The following LMX1A variants were observed in gnomAD, a reference collection of about 807,000 sequenced individuals.
The protein encoded by LMX1A is LIM homeobox transcription factor 1-alpha.
LMX1A carries 15 observed loss-of-function variants against 49.1 expected under a neutral mutation model. The ratio of observed to expected loss-of-function variants is 0.31; its 90% CI spans 0.20 to 0.47. The LOEUF (loss-of-function observed/expected upper bound fraction) is 0.47. LMX1A is among the 20% of genes least tolerant of loss of function. The pLI is 1.00. For missense variants in LMX1A, 372 were observed against 475.8 expected (o/e 0.78, Z 2.03); for synonymous variants, 167 against 185.7 (o/e 0.90, Z 0.82).
chr1:165,322,029 A>G (rs1382569132), intron 3 of LMX1A, among the ~76,000 whole-genome samples: 1 of 152,196 alleles, frequency 6.6e-6, no homozygotes, highest in Non-Finnish European at 1.5e-5. Flanking sequence ...TTAAATAGAC[A>G]TTGTTCCAGA....
At chr1:165,251,220 T>C (rs986079611) in intron 3 of LMX1A, among the ~76,000 whole-genome samples, 6 of 151,952 alleles carry the variant, frequency 3.9e-5, no homozygotes, top group Non-Finnish European at 5.9e-5. Flanking sequence ...GTAGCTGGGA[T>C]TAAAGGTGCA....
At chr1:165,224,671 T>C (rs1557854723) in intron 4 of LMX1A, among the ~76,000 whole-genome samples, 1 of 152,196 alleles carries the variant, frequency 6.6e-6, no homozygotes, top group East Asian at 1.9e-4. Flanking sequence ...GAATAGCTTG[T>C]GTTTCAGTTA....
At chr1:165,310,926 T>G (rs911068797) in intron 3 of LMX1A, among the ~76,000 whole-genome samples, 1 of 152,204 alleles carries the variant, frequency 6.6e-6, no homozygotes, top group African/African-American at 2.4e-5. Flanking sequence ...CACAGGACAA[T>G]TAAAGAACTT....
At chr1:165,260,429 G>T (rs1653397626) in intron 3 of LMX1A, among the ~76,000 whole-genome samples, 4 of 151,840 alleles carry the variant, frequency 2.6e-5, no homozygotes, top group Admixed American at 2.0e-4. Flanking sequence ...AAGATTCTGG[G>T]ATCTCAGCAA....
intron 7 of LMX1A, 133 bp downstream of exon 7, chr1:165,207,930 T>G (rs1651161663): frequency 1.4e-6 from 1 of 699,836 alleles, no homozygotes; most frequent in Admixed American, 2.8e-5. Context: ...TTGAAGGCCT[T>G]ATTTCTCCAG....
At chr1:165,273,325 G>T (rs1263462043) in intron 3 of LMX1A, among the ~76,000 whole-genome samples, 1 of 152,126 alleles carries the variant, frequency 6.6e-6, no homozygotes, top group African/African-American at 2.4e-5. Flanking sequence ...GGCTCACTTG[G>T]CCATCTTCTC....
chr1:165,339,829 T>C (rs989103384), intron 3 of LMX1A, among the ~76,000 whole-genome samples: 11 of 150,560 alleles, frequency 7.3e-5, no homozygotes, highest in African/African-American at 2.7e-4. Context: ...CTCTATCACA[T>C]GGATGCCCCA....
intron 3 of LMX1A, among the ~76,000 whole-genome samples, chr1:165,290,774 C>T (rs1052986906): frequency 5.3e-5 from 8 of 152,106 alleles, no homozygotes; most frequent in Admixed American, 1.3e-4. Flanking sequence ...GTGTAGTCTC[C>T]GGACCACCAA....
chr1:165,249,426 G>T lies in LMX1A; in HGVS notation c.478C>A (p.Pro160Thr), dbSNP rs573161821. ...KERELLSLVS[P>T]AASDSGKSDD... Reference sequence around the variant, plus strand: ...CACTCACCTGAGTCTGAGGCTGCTGGGCTCACCAGGCTGAGCAGCTCCCGC... The same window carrying T: ...CACTCACCTGAGTCTGAGGCTGCTGTGCTCACCAGGCTGAGCAGCTCCCGC... The change falls in exon 4 of 9, where the codon CCA becomes ACA. Residue 160 changes from proline to threonine, a missense_variant. This residue lies in a region of LMX1A where 199 missense variants were observed against 244.0 expected (regional missense o/e 0.82). Transcript: ENST00000342310. 6.2e-7 allele frequency: 1 copy of T among 1,613,416 alleles called. No homozygotes were observed. The highest frequency in any genetic ancestry group is 1.3e-5 in the African/African-American group (1 of 74,982).
chr1:165,307,474 T>C (rs1488627148), intron 3 of LMX1A, among the ~76,000 whole-genome samples: 4 of 152,242 alleles, frequency 2.6e-5, no homozygotes, highest in Non-Finnish European at 4.4e-5. Context: ...CAACTTGGGA[T>C]AGTTCTTAGT....
intron 3 of LMX1A, among the ~76,000 whole-genome samples, chr1:165,294,395 C>T (rs532230118): frequency 6.6e-6 from 1 of 152,148 alleles, no homozygotes; most frequent in African/African-American, 2.4e-5. Flanking sequence ...AGAGGTCATG[C>T]CCAGTGTGAG....
At chr1:165,277,850 T>G (rs561847954) in intron 3 of LMX1A, among the ~76,000 whole-genome samples, 1 of 152,288 alleles carries the variant, frequency 6.6e-6, no homozygotes, top group African/African-American at 2.4e-5. Context: ...AATGAAGAAA[T>G]AAAGTGGAGT....
chr1:165,268,723 A>C (rs10918145), intron 3 of LMX1A, among the ~76,000 whole-genome samples: 41,896 of 152,138 alleles, frequency 0.28, 6,008 homozygotes, highest in African/African-American at 0.32. Context: ...CTTCAACTGT[A>C]AAATGGGCTT....
At chr1:165,320,563 C>T (rs887951544) in intron 3 of LMX1A, among the ~76,000 whole-genome samples, 5 of 152,188 alleles carry the variant, frequency 3.3e-5, no homozygotes, top group Admixed American at 3.3e-4. Context: ...AGCACCAGTA[C>T]TCTAGTAGGG....
At chr1:165,259,275 T>C (rs879332265) in intron 3 of LMX1A, among the ~76,000 whole-genome samples, 4 of 152,152 alleles carry the variant, frequency 2.6e-5, no homozygotes, top group Non-Finnish European at 5.9e-5. Context: ...GTACATCTCA[T>C]TCAGGCAGCT....
intron 3 of LMX1A, among the ~76,000 whole-genome samples, chr1:165,284,829 C>A (rs191504885): frequency 1.3e-5 from 2 of 152,340 alleles, no homozygotes; most frequent in Admixed American, 1.3e-4. Flanking sequence ...TCTTTCCCAC[C>A]AGGAAGAGCA....
chr1:165,274,369 A>C (rs1653901615), intron 3 of LMX1A, among the ~76,000 whole-genome samples: 1 of 152,186 alleles, frequency 6.6e-6, no homozygotes, highest in Non-Finnish European at 1.5e-5. Flanking sequence ...CTCTAGAGGA[A>C]CCCATTCATT....
chr1:165,230,335 C>T (rs1270318091), intron 4 of LMX1A, among the ~76,000 whole-genome samples: 1 of 152,140 alleles, frequency 6.6e-6, no homozygotes, highest in African/African-American at 2.4e-5. Flanking sequence ...TGATTTCTGT[C>T]TAATTTAATT....
chr1:165,209,150 G>A (rs544328000), intron 6 of LMX1A, among the ~76,000 whole-genome samples: 2 of 152,268 alleles, frequency 1.3e-5, no homozygotes, highest in South Asian at 2.1e-4. Flanking sequence ...AGGCTATAGG[G>A]CCTCTGCAAC....
Sources: gnomAD v4.1 joint callset for allele counts (sites outside exome capture counted in the v4.1 genomes callset) on GRCh38, gnomAD v4.1.1 for gene constraint, gnomAD v4.1.1 regional missense constraint, MANE v1.5 for transcripts, NCBI Gene and HGNC (gene_info 2026-07-23, HGNC 2026-07-21) for gene names.